The following ADGRV1 variants were observed in gnomAD, a reference collection of about 807,000 sequenced individuals.
ADGRV1 encodes G-protein coupled receptor 98.
ADGRV1 carries 359 observed loss-of-function variants against 596.2 expected under a neutral mutation model. That is an observed-to-expected ratio of 0.60 (90% CI 0.55 to 0.66). The LOEUF (loss-of-function observed/expected upper bound fraction) is 0.66. ADGRV1 is among the 30% of genes least tolerant of loss of function. ADGRV1 has a pLI of 0.00. For synonymous variants in ADGRV1, 2,681 were observed against 2,679.2 expected, an observed-to-expected ratio of 1.00 and a Z score of -0.02; for missense variants, 7,274 against 7,575.6, an observed-to-expected ratio of 0.96 and a Z score of 1.48.
At chr5:91,039,472 G>A (rs187901254) in intron 85 of ADGRV1, among the ~76,000 whole-genome samples, 29 of 152,308 alleles carry the variant, frequency 1.9e-4, no homozygotes, top group African/African-American at 6.3e-4. Flanking sequence ...CTGAACCAAA[G>A]CTCTGATTGT....
chr5:90,662,306 G>T (rs1358930419), intron 21 of ADGRV1, among the ~76,000 whole-genome samples: 1 of 148,222 alleles, frequency 6.7e-6, no homozygotes, highest in African/African-American at 2.5e-5. Flanking sequence ...CCATTCTCCT[G>T]CCTCAGCCTC....
At chr5:90,765,122 A>C (rs541237048) in intron 59 of ADGRV1, among the ~76,000 whole-genome samples, 1 of 152,060 alleles carries the variant, frequency 6.6e-6, no homozygotes, top group South Asian at 2.1e-4. Context: ...CCTCTGACAG[A>C]TCCTGGCTCT....
In ADGRV1 at chr5:90,778,003, C is replaced by T; in HGVS notation, c.12626C>T (p.Thr4209Ile). The change falls in exon 62 of 90, where the codon ACA becomes ATA. Residue 4209 changes from threonine (T) to isoleucine (I), a missense_variant. By Grantham distance (89) the Thr-to-Ile change is moderately conservative (BLOSUM62 -1). Transcript: ENST00000405460. ...TTTGCTGAAACATCAGGAAAACTGA[C>T]AATGCGAGACGAACAGTCTGCAGTC... The part of the protein sequence containing the change: ...GEFAETSGKL[T>I]MRDEQSAVIV... The T allele has an allele frequency of 6.3e-7, 1 of 1,594,710 alleles. No homozygotes were observed.
chr5:90,761,809 A>G (rs1040115480), intron 58 of ADGRV1, among the ~76,000 whole-genome samples: 3 of 152,162 alleles, frequency 2.0e-5, no homozygotes, highest in Non-Finnish European at 4.4e-5. Context: ...GTCCATGGCT[A>G]TTTTGATTGT....
intron 83 of ADGRV1, among the ~76,000 whole-genome samples, chr5:90,955,287 A>G (rs1163532198): frequency 1.3e-5 from 2 of 152,190 alleles, no homozygotes; most frequent in Non-Finnish European, 2.9e-5. Context: ...TGATGAGCAA[A>G]TAAACCAAAA....
intron 1 of ADGRV1, among the ~76,000 whole-genome samples, chr5:90,592,888 CCAGAA>C: frequency 6.6e-6 from 1 of 152,250 alleles, no homozygotes; most frequent in South Asian, 2.1e-4. Context: ...CAAATCAAAA[CCAGAA>C]TGAGATACCA....
chr5:90,865,111 G>T (rs749851955), intron 83 of ADGRV1, among the ~76,000 whole-genome samples: 2 of 152,106 alleles, frequency 1.3e-5, no homozygotes, highest in African/African-American at 4.8e-5. Flanking sequence ...GAATAATTAA[G>T]TGCTGGATTC....
chr5:91,031,121 A>G, intron 85 of ADGRV1: 1 of 1,356,276 alleles, frequency 7.4e-7, no homozygotes, highest in East Asian at 2.3e-5. Context: ...GTACACAAGT[A>G]AAAGAACAGA....
intron 50 of ADGRV1, among the ~76,000 whole-genome samples, chr5:90,733,595 C>T (rs546248445): frequency 6.6e-6 from 1 of 152,282 alleles, no homozygotes; most frequent in East Asian, 1.9e-4. Context: ...GTGTTACCTT[C>T]AGTCACCTCA....
chr5:91,035,482 G>T (rs1388804529), intron 85 of ADGRV1, among the ~76,000 whole-genome samples: 1 of 152,002 alleles, frequency 6.6e-6, no homozygotes, highest in Non-Finnish European at 1.5e-5. Context: ...TTTCTGAAAT[G>T]CTTTGATATT....
At chr5:90,848,296 A>G (rs73771103) in intron 78 of ADGRV1, among the ~76,000 whole-genome samples, 14,234 of 152,158 alleles carry the variant, frequency 0.094, 1,627 homozygotes, top group African/African-American at 0.27. Context: ...AAGAATCCCT[A>G]GGGTAGATGT....
intron 83 of ADGRV1, among the ~76,000 whole-genome samples, chr5:90,939,774 TA>T (rs1388625896): frequency 6.6e-6 from 1 of 152,186 alleles, no homozygotes; most frequent in Non-Finnish European, 1.5e-5. Flanking sequence ...TCCAGGTTTT[TA>T]AACACTTTCT....
intron 85 of ADGRV1, among the ~76,000 whole-genome samples, chr5:91,026,936 G>A (rs1784060889): frequency 6.6e-6 from 1 of 151,986 alleles, no homozygotes; most frequent in Admixed American, 6.6e-5. Flanking sequence ...GAGGCCAGGA[G>A]TTCGAGACCA....
intron 7 of ADGRV1, 104 bp downstream of exon 7, chr5:90,627,880 A>AT (rs1348819232): frequency 8.8e-6 from 5 of 565,502 alleles, no homozygotes; most frequent in Middle Eastern, 5.0e-4. Flanking sequence ...AATATGTGTC[A>AT]TTTTTTCCCA....
At chr5:90,686,170 G>C (rs961791429) in intron 29 of ADGRV1, among the ~76,000 whole-genome samples, 175 bp downstream of exon 29, 1 of 150,076 alleles carries the variant, frequency 6.7e-6, no homozygotes, top group Non-Finnish European at 1.5e-5. Context: ...TTTGGGGGGG[G>C]GGATGGAGTC....
chr5:91,098,596 A>G (rs573374787), intron 86 of ADGRV1, among the ~76,000 whole-genome samples: 104 of 152,292 alleles, frequency 6.8e-4, no homozygotes, highest in African/African-American at 2.3e-3. Flanking sequence ...CCTGGGATCT[A>G]TTAAGTATGC....
Position 91,017,678 on chromosome 5 carries a change from G to A in ADGRV1, c.18152+32156G>A, listed in dbSNP as rs1369604533. Among the ~76,000 whole-genome samples, 7 of 152,050 alleles carry A rather than the reference G, an allele frequency of 4.6e-5. No individual in the cohort carries two copies. The South Asian group carries it at 1.5e-3, about 32-fold the overall frequency. On this transcript the variant is annotated intron_variant, in intron 85 of 89. Coordinates refer to ENST00000405460, the MANE Select transcript of ADGRV1 (RefSeq NM_032119.4). ...TTAAGTAGAGTTATAAGGTACAAAT[G>A]TATGTATGCCCTTGGATGTGAATTT...
chr5:90,562,257 G>A (rs1156554651), intron 1 of ADGRV1, among the ~76,000 whole-genome samples: 1 of 152,208 alleles, frequency 6.6e-6, no homozygotes, highest in Non-Finnish European at 1.5e-5. Flanking sequence ...TCTACTCCAT[G>A]TAGAATGGAG....
intron 16 of ADGRV1, 116 bp from the exon 17 acceptor site, chr5:90,647,382 G>T: frequency 1.0e-6 from 1 of 972,754 alleles, no homozygotes; most frequent in Non-Finnish European, 1.5e-6. Flanking sequence ...TAATTATTTT[G>T]GCAAAGACAC....
Sources: gnomAD v4.1 joint callset for allele counts (sites outside exome capture counted in the v4.1 genomes callset) on GRCh38, gnomAD v4.1.1 for gene constraint, MANE v1.5 for transcripts, NCBI Gene and HGNC (gene_info 2026-07-23, HGNC 2026-07-21) for gene names.